Variants in AQP7B observed in about 807,000 individuals in gnomAD.
AQP7B encodes the protein putative aquaporin-7B.
At chr2:94,591,174 C>T in the AQP7B span, among the ~76,000 whole-genome samples, 1 of 151,912 alleles carries the variant, frequency 6.6e-6, no homozygotes, top group African/African-American at 2.4e-5. Flanking sequence ...TTGCTGTCCT[C>T]CAAATGTGTC....
chr2:94,602,756 C>G, the AQP7B span: 531 of 936,140 alleles, frequency 5.7e-4, 5 homozygotes, highest in South Asian at 3.4e-3. Context: ...CTCCTCTGAA[C>G]CCCGTGCCTA....
At chr2:94,597,442 T>A in the AQP7B span, among the ~76,000 whole-genome samples, 1 of 152,120 alleles carries the variant, frequency 6.6e-6, no homozygotes, top group Non-Finnish European at 1.5e-5. Context: ...CTAAGCCCCT[T>A]ATGTGCAGCA....
the AQP7B span, among the ~76,000 whole-genome samples, chr2:94,593,344 T>C: frequency 6.6e-6 from 1 of 151,436 alleles, no homozygotes; most frequent in East Asian, 2.0e-4. Context: ...GGCCTGCAGC[T>C]AAGGCAGTAC....
At chr2:94,591,544 G>C in the AQP7B span, among the ~76,000 whole-genome samples, 1 of 152,062 alleles carries the variant, frequency 6.6e-6, no homozygotes, top group Non-Finnish European at 1.5e-5. Context: ...CTCCGCAGGG[G>C]AGGCAGCTCT....
the AQP7B span, among the ~76,000 whole-genome samples, chr2:94,593,915 C>T: frequency 6.6e-6 from 1 of 152,174 alleles, no homozygotes; most frequent in Non-Finnish European, 1.5e-5. Context: ...TCTAACCATG[C>T]ACTTAACTAA....
At chr2:94,590,214 G>T in the AQP7B span, among the ~76,000 whole-genome samples, 1 of 152,296 alleles carries the variant, frequency 6.6e-6, no homozygotes, top group East Asian at 1.9e-4. Flanking sequence ...ATGGAGTCTT[G>T]TTCTGTTGCC....
chr2:94,603,487 G>A, the AQP7B span: 771 of 1,610,202 alleles, frequency 4.8e-4, 7 homozygotes, highest in South Asian at 8.0e-3. Context: ...ATTGTGGCGG[G>A]GCTTCCTGAA....
At chr2:94,588,496 G>C in the AQP7B span, 2 of 684,496 alleles carry the variant, frequency 2.9e-6, no homozygotes, top group African/African-American at 3.5e-5. Flanking sequence ...TGGCTCCTCA[G>C]CATCTACAAA....
chr2:94,591,043 G>A, the AQP7B span, among the ~76,000 whole-genome samples: 8 of 151,982 alleles, frequency 5.3e-5, no homozygotes, highest in East Asian at 1.9e-4. Context: ...TTACTTAGGG[G>A]ATCTGGTTGG....
chr2:94,587,381 G>A, the AQP7B span, among the ~76,000 whole-genome samples: 4 of 152,338 alleles, frequency 2.6e-5, no homozygotes, highest in South Asian at 8.3e-4. Flanking sequence ...CCAAGGCAGA[G>A]GCTGAGAATC....
the AQP7B span, among the ~76,000 whole-genome samples, chr2:94,599,834 C>T: frequency 1.3e-5 from 2 of 151,818 alleles, no homozygotes; most frequent in Non-Finnish European, 2.9e-5. Flanking sequence ...GGCAAGTTCT[C>T]GAAGAGGAGT....
chr2:94,603,709 C>T, the AQP7B span: 1 of 1,461,726 alleles, frequency 6.8e-7, no homozygotes, highest in Non-Finnish European at 9.3e-7. Flanking sequence ...ATCTGCTCCT[C>T]AGGAGTGGCT....
the AQP7B span, among the ~76,000 whole-genome samples, chr2:94,601,362 C>A: frequency 1.5e-4 from 23 of 152,082 alleles, no homozygotes; most frequent in Non-Finnish European, 2.5e-4. Flanking sequence ...TTCAACAGAG[C>A]CTGAGACGCC....
chr2:94,594,162 C>A, the AQP7B span, among the ~76,000 whole-genome samples: 1 of 152,296 alleles, frequency 6.6e-6, no homozygotes, highest in African/African-American at 2.4e-5. Flanking sequence ...TTGCACTGAC[C>A]TGGTTGCACA....
the AQP7B span, among the ~76,000 whole-genome samples, chr2:94,589,205 C>A: frequency 6.8e-6 from 1 of 147,522 alleles, no homozygotes; most frequent in Admixed American, 6.8e-5. Flanking sequence ...AATGGGGTTT[C>A]GCCATGTTCG....
the AQP7B span, among the ~76,000 whole-genome samples, chr2:94,587,387 G>A: frequency 1.3e-5 from 2 of 152,212 alleles, no homozygotes; most frequent in African/African-American, 2.4e-5. Context: ...CAGAGGCTGA[G>A]AATCAGAAGA....
At chr2:94,592,812 C>CTTTTTTTTTTTTTTT in the AQP7B span, among the ~76,000 whole-genome samples, 1 of 51,706 alleles carries the variant, frequency 1.9e-5, no homozygotes. Context: ...ATTAATTAAG[C>CTTTTTTTTTTTTTTT]TTTTTTTTTT....
At chr2:94,591,870 C>T in the AQP7B span, among the ~76,000 whole-genome samples, 2 of 152,302 alleles carry the variant, frequency 1.3e-5, no homozygotes, top group Non-Finnish European at 2.9e-5. Flanking sequence ...ACTTCCTCCA[C>T]ATGCCCCACA....
At chr2:94,587,676 G>C in the AQP7B span, among the ~76,000 whole-genome samples, 1 of 152,136 alleles carries the variant, frequency 6.6e-6, no homozygotes, top group Admixed American at 6.5e-5. Context: ...GAGCAGAGAT[G>C]GCAGGGATGC....
Sources: allele counts gnomAD v4.1 joint callset (sites outside exome capture counted in the v4.1 genomes callset), GRCh38; gene constraint gnomAD v4.1.1; transcripts MANE v1.5; gene names NCBI Gene and HGNC (gene_info 2026-07-23, HGNC 2026-07-21).